The following CDC20B variants were observed in gnomAD, a reference collection of about 807,000 sequenced individuals.
The protein encoded by CDC20B is cell division cycle 20B, also known as cell division cycle protein 20 homolog B.
A neutral mutation model predicts 64.1 loss-of-function variants in CDC20B; 58 were observed. The ratio of observed to expected loss-of-function variants is 0.90; its 90% CI spans 0.73 to 1.13. The LOEUF is 1.13. CDC20B is among the 50% of genes most tolerant of loss of function. CDC20B has a pLI of 0.00. For synonymous variants in CDC20B, 243 were observed against 230.6 expected (o/e 1.05, Z -0.49); for missense variants, 597 against 633.0 (o/e 0.94, Z 0.61).
Position 55,113,697 on chromosome 5 carries a change from C to T in CDC20B, c.*521G>A, listed in dbSNP as rs187652455. The stretch of plus-strand genomic sequence containing the variant: ...GGAGGGGAAAGGGATTCCTACAGAA[C>T]TGATTTTTAGAGAGAGCAATATGCA... On this transcript the variant is annotated 3_prime_UTR_variant, in exon 12 of 12. Transcript: ENST00000381375. 6.5e-6 allele frequency: 1 copy of T among 152,720 alleles called. No individual in the cohort carries two copies. The highest frequency in any genetic ancestry group is 2.4e-5 in the African/African-American group (1 of 41,532). The allele number at this position is 152,720 out of a possible 1,614,324, so 9.5% of individuals were successfully genotyped here. A position where few individuals can be genotyped will look rare whatever the true frequency, so the allele number is the denominator to read the frequency against.
chr5:55,167,309 A>C (rs902098702), intron 2 of CDC20B, among the ~76,000 whole-genome samples: 50 of 152,352 alleles, frequency 3.3e-4, no homozygotes, highest in Admixed American at 1.3e-3. Flanking sequence ...GTGCCCTGAA[A>C]GTTGTATTTC....
chr5:55,118,167 T>C (rs1354080418), intron 11 of CDC20B, among the ~76,000 whole-genome samples: 2 of 152,080 alleles, frequency 1.3e-5, no homozygotes, highest in Non-Finnish European at 2.9e-5. Context: ...AAAACTGTTC[T>C]AGCTTAACCC....
intron 6 of CDC20B, among the ~76,000 whole-genome samples, chr5:55,130,163 T>C (rs749098667): frequency 2.6e-5 from 4 of 151,766 alleles, no homozygotes; most frequent in Non-Finnish European, 5.9e-5. Context: ...ATAGAAACCA[T>C]AAAACAAAGC....
Position 55,133,680 on chromosome 5 carries a change from G to A in CDC20B, c.581-152C>T, listed in dbSNP as rs1743085580. The A allele has an allele frequency of 1.6e-5, 7 of 429,824 alleles. No homozygotes were observed. In the South Asian group the frequency reaches 4.4e-4, roughly 27 times the overall value. 26.6% of individuals were successfully genotyped at this position (429,824 alleles called of 1,614,324 possible). The stretch of plus-strand genomic sequence containing the variant: ...TAAAACTACAGTACAAAGAGCCGGG[G>A]AAGGAAGGAAATGAAGAGCACTTCA... On this transcript the variant is annotated intron_variant, in intron 5 of 11. Transcript: ENST00000381375.
chr5:55,120,533 G>C lies in CDC20B; in HGVS notation c.1233C>G (p.Pro411=). 1 of 1,613,592 alleles carries C rather than the reference G, an allele frequency of 6.2e-7. No individual in the cohort carries two copies. Among genetic ancestry groups the C allele is most frequent in the Non-Finnish European group, 8.5e-7 (1 of 1,179,720 alleles). ...CAATGGCAAGGACCCCAGACTGCCAGGGACACCAATCCATGGCCTTTAAAG... is the reference window on the plus strand; with the variant it reads ...CAATGGCAAGGACCCCAGACTGCCACGGACACCAATCCATGGCCTTTAAAG... ...STAVKAMDWC[P]WQSGVLAIGG... is the part of the protein sequence containing the mutation. The change falls in exon 10 of 12, where the codon CCC becomes CCG. Residue 411 remains proline, a synonymous_variant. Transcript: ENST00000381375.
Position 55,119,896 on chromosome 5 carries a change from G to T in CDC20B, c.1364C>A (p.Pro455His). 1.2e-6 allele frequency: 2 copies of T among 1,612,812 alleles called. No individual in the cohort carries two copies. Among genetic ancestry groups the T allele is most frequent in the Non-Finnish European group, 1.7e-6 (2 of 1,178,872 alleles). ...NSQICSLIWL[P>H]KTKEIATGQG... Reference sequence around the variant, plus strand: ...ACCAGTTGCAATCTCCTTTGTCTTAGGTAGCCAGATTAAGGAACAAATCTG... The same window carrying T: ...ACCAGTTGCAATCTCCTTTGTCTTATGTAGCCAGATTAAGGAACAAATCTG... Residue 455 changes from proline to histidine, a missense_variant, in exon 11 of 12, where the codon CCT becomes CAT. Physicochemically the swap from Pro to His is moderately conservative, Grantham distance 77. Transcript: ENST00000381375.
At chr5:55,147,786 T>C (rs1743539637) in intron 2 of CDC20B, among the ~76,000 whole-genome samples, 1 of 152,168 alleles carries the variant, frequency 6.6e-6, no homozygotes, top group Non-Finnish European at 1.5e-5. Context: ...GATATAACAC[T>C]ATGTACTGAA....
At chr5:55,161,043 ATTAC>A (rs1306530672) in intron 2 of CDC20B, 1 of 1,614,090 alleles carries the variant, frequency 6.2e-7, no homozygotes, top group Non-Finnish European at 8.5e-7. Context: ...ACAGACAGAA[ATTAC>A]TTAGGGCTGA....
chr5:55,150,581 T>G lies in CDC20B; in HGVS notation c.127-3725A>C, dbSNP rs200973022. Among the ~76,000 whole-genome samples, 3 of 152,190 alleles carry G rather than the reference T, an allele frequency of 2.0e-5. No homozygotes were observed. In the East Asian group the frequency reaches 5.8e-4, roughly 29 times the overall value. The stretch of plus-strand genomic sequence containing the variant: ...AAGTGTTGTTGGGGGTCAGTTTTTC[T>G]GTCTTGTAGTTCTTGGTTTTTGAGT... On this transcript the variant is annotated intron_variant, in intron 2 of 11. Transcript: ENST00000381375.
At chr5:55,127,848 C>T (rs1387300924) in intron 7 of CDC20B, among the ~76,000 whole-genome samples, 1 of 152,162 alleles carries the variant, frequency 6.6e-6, no homozygotes, top group Non-Finnish European at 1.5e-5. Flanking sequence ...AAGAAGAAAT[C>T]ATGACATAGA....
At chr5:55,119,760 T>C (rs1361572047) in intron 11 of CDC20B, 41 bp downstream of exon 11, 1 of 1,223,310 alleles carries the variant, frequency 8.2e-7, no homozygotes, top group Non-Finnish European at 1.2e-6. Flanking sequence ...ACAGCTCACT[T>C]TGCTATAGGT....
chr5:55,124,797 T>G lies in CDC20B; in HGVS notation c.1215+6A>C, dbSNP rs1279137385. The G allele has an allele frequency of 6.2e-7, 1 of 1,611,486 alleles. No homozygotes were observed. Among genetic ancestry groups the G allele is most frequent in the Non-Finnish European group, 8.5e-7 (1 of 1,178,016 alleles). ...AGGAAACCTAGAAATCTATTGGGTT[T>G]CTTACCTTGACTGCCGTAGACTGGG... On this transcript the variant is annotated splice_donor_region_variant and intron_variant, in intron 9 of 11. Coordinates refer to ENST00000381375, the MANE Select transcript of CDC20B (RefSeq NM_001170402.1).
chr5:55,120,538 ACCAATCCATGG>A lies in CDC20B; in HGVS notation c.1217_1227del (p.Ala406ValfsTer47). 6.2e-7 allele frequency: 1 copy of A among 1,613,612 alleles called. No individual in the cohort carries two copies. The highest frequency in any genetic ancestry group is 1.7e-4 in the Middle Eastern group (1 of 6,056). On this transcript the variant is annotated frameshift_variant and splice_region_variant, in exon 10 of 12. Coordinates refer to ENST00000381375, the MANE Select transcript of CDC20B (RefSeq NM_001170402.1). LOFTEE classifies it high-confidence loss of function. ...GCAAGGACCCCAGACTGCCAGGGACACCAATCCATGGCCTTTAAAGTTTCACATAATAGCAC... is the reference window on the plus strand; with the variant it reads ...GCAAGGACCCCAGACTGCCAGGGACACCTTTAAAGTTTCACATAATAGCAC...
At chr5:55,130,767 A>G (rs1296142564) in intron 6 of CDC20B, among the ~76,000 whole-genome samples, 2 of 152,230 alleles carry the variant, frequency 1.3e-5, no homozygotes, top group Non-Finnish European at 2.9e-5. Flanking sequence ...TAAGCTATTT[A>G]AATACTTTTT....
chr5:55,160,693 T>C (rs555639993), intron 2 of CDC20B: 2 of 453,848 alleles, frequency 4.4e-6, no homozygotes, highest in African/African-American at 2.0e-5. Context: ...TTAATAAAAG[T>C]ATTGGTTCTA....
At position 55,159,112 on chromosome 5, in the gene CDC20B, G is replaced by T. The variant is rs946246052; in HGVS notation, c.127-12256C>A. 6.6e-5 allele frequency among the ~76,000 whole-genome samples: 10 copies of T among 152,214 alleles called. No homozygotes were observed. In the East Asian group the frequency reaches 1.9e-3, roughly 29 times the overall value. ...ACTCACTGCAGCCTCAACCTCCTGG[G>T]ATCAAGCGATCCTCCCACCTTTGCC... On this transcript the variant is annotated intron_variant, in intron 2 of 11. Transcript: ENST00000381375.
chr5:55,134,393 T>C (rs1185578292), intron 5 of CDC20B, among the ~76,000 whole-genome samples: 1 of 151,948 alleles, frequency 6.6e-6, no homozygotes, highest in Non-Finnish European at 1.5e-5. Flanking sequence ...AACTGCAAGA[T>C]TACTAAAAAT....
chr5:55,132,912 T>C (rs984465193), intron 6 of CDC20B, among the ~76,000 whole-genome samples: 1 of 152,220 alleles, frequency 6.6e-6, no homozygotes, highest in East Asian at 1.9e-4. Flanking sequence ...AGCTTAAGTA[T>C]AAATATCTCC....
At position 55,147,147 on chromosome 5, in the gene CDC20B, TTATA is replaced by T. The variant is rs1743508742; in HGVS notation, c.127-295_127-292del. 2.1e-5 allele frequency among the ~76,000 whole-genome samples: 3 copies of T among 143,640 alleles called. No homozygotes were observed. The South Asian group carries it at 6.4e-4, about 30-fold the overall frequency. 94.2% of individuals were successfully genotyped at this position (143,640 alleles called of 152,430 possible). A position where few individuals can be genotyped will look rare whatever the true frequency, so the allele number is the denominator to read the frequency against. On this transcript the variant is annotated intron_variant, in intron 2 of 11. Transcript: ENST00000381375. ...AACATAAATATGTTGTTTTATATAT[TTATA>T]TATTATATAAACATAAATATGTTGT... is the stretch of plus-strand genomic sequence containing the variant.
Sources: gnomAD v4.1 joint callset for allele counts (sites outside exome capture counted in the v4.1 genomes callset) on GRCh38, gnomAD v4.1.1 for gene constraint, MANE v1.5 for transcripts, NCBI Gene and HGNC (gene_info 2026-07-23, HGNC 2026-07-21) for gene names.